USP48: variants seen among roughly 807,000 people sequenced by gnomAD.
USP48 encodes the protein ubiquitin specific peptidase 48.
USP48 carries 43 observed loss-of-function variants against 150.7 expected under a neutral mutation model. The ratio of observed to expected loss-of-function variants is 0.29; its 90% CI spans 0.22 to 0.37. The LOEUF is 0.37. Ranked by LOEUF, USP48 falls within the 10% of genes least tolerant of loss-of-function variation. USP48 has a pLI of 1.00. For missense variants in USP48, 813 were observed against 1,249.6 expected, an observed-to-expected ratio of 0.65 and a Z score of 5.27; for synonymous variants, 396 against 425.9, an observed-to-expected ratio of 0.93 and a Z score of 0.86.
At chr1:21,718,731 T>C (rs1571844023) in intron 14 of USP48, among the ~76,000 whole-genome samples, 5 of 152,146 alleles carry the variant, frequency 3.3e-5, no homozygotes, top group Admixed American at 3.3e-4. Flanking sequence ...ATAATTTTTG[T>C]ATTTTTAGTA....
chr1:21,733,496 T>A (rs2097761936), intron 9 of USP48, among the ~76,000 whole-genome samples: 1 of 152,188 alleles, frequency 6.6e-6, no homozygotes, highest in Admixed American at 6.5e-5. Flanking sequence ...TCATAAAACT[T>A]CAGGATACAA....
intron 25 of USP48, among the ~76,000 whole-genome samples, chr1:21,683,106 C>CG (rs1271562803): frequency 3.3e-5 from 5 of 152,078 alleles, no homozygotes; most frequent in African/African-American, 9.7e-5. Context: ...ACCAAAAATA[C>CG]AAAAGTTAGC....
chr1:21,725,918 A>C (rs2097735822), intron 11 of USP48, among the ~76,000 whole-genome samples: 1 of 152,198 alleles, frequency 6.6e-6, no homozygotes, highest in Non-Finnish European at 1.5e-5. Context: ...TATCTGGGGA[A>C]TGCAAAGATA....
rs1002340218 is a variant in USP48 at position 21,751,549 on chromosome 1, T to C, written c.732A>G (p.Gln244=). 2 of 1,613,984 alleles carry C rather than the reference T, an allele frequency of 1.2e-6. No homozygotes were observed. The highest frequency in any genetic ancestry group is 1.1e-5 in the South Asian group (1 of 91,080). Residue 244 remains glutamine, a synonymous_variant, in exon 6 of 27, where the codon CAA becomes CAG. Coordinates refer to ENST00000308271, the MANE Select transcript of USP48 (RefSeq NM_032236.8). The stretch of plus-strand genomic sequence containing the variant: ...TACAATCTGTTAACTGTTTGTGGCC[T>C]TGGATATTTAACTCCAGCTCATAAA... ...SKFYELELNI[Q]GHKQLTDCIS...
intron 11 of USP48, 138 bp downstream of exon 11, chr1:21,728,432 T>C (rs1274089512): frequency 2.8e-6 from 4 of 1,450,130 alleles, no homozygotes; most frequent in Non-Finnish European, 3.6e-6. Flanking sequence ...GTTTACAAAG[T>C]ACTTTTAGAG....
At chr1:21,780,080 A>G (rs2097910685) in intron 1 of USP48, among the ~76,000 whole-genome samples, 1 of 152,236 alleles carries the variant, frequency 6.6e-6, no homozygotes, top group Non-Finnish European at 1.5e-5. Context: ...AACTGAAATC[A>G]GATGTTCAGA....
At chr1:21,700,453 C>T (rs971802677) in intron 22 of USP48, among the ~76,000 whole-genome samples, 2 of 152,170 alleles carry the variant, frequency 1.3e-5, no homozygotes, top group Admixed American at 1.3e-4. Flanking sequence ...TTTTCAGACT[C>T]TCTCAATCAA....
chr1:21,766,536 A>G (rs901692038), intron 1 of USP48, among the ~76,000 whole-genome samples: 6 of 152,172 alleles, frequency 3.9e-5, no homozygotes, highest in Non-Finnish European at 7.3e-5. Flanking sequence ...TTAAGAGTAC[A>G]CACGATGAGT....
intron 9 of USP48, 63 bp from the exon 10 acceptor site, chr1:21,729,895 G>A (rs1040226557): frequency 8.4e-5 from 135 of 1,600,412 alleles, no homozygotes; most frequent in South Asian, 5.3e-4. Flanking sequence ...ATTCTTTAGC[G>A]GGGCTATAGA....
In USP48 at chr1:21,733,245, G is replaced by A. The variant is rs543448003; in HGVS notation, c.1171+3201C>T. The stretch of plus-strand genomic sequence containing the variant: ...AGCCTGGCCAACATGGTGAAACCCC[G>A]TCTCTACTAAAAATACAAAAAATTG... On this transcript the variant is annotated intron_variant, in intron 9 of 26. Coordinates refer to ENST00000308271, the MANE Select transcript of USP48 (RefSeq NM_032236.8). 7.9e-5 allele frequency among the ~76,000 whole-genome samples: 12 copies of A among 152,126 alleles called. No individual in the cohort carries two copies. The East Asian group carries it at 1.9e-3, about 25-fold the overall frequency.
chr1:21,769,017 G>T (rs528726899), intron 1 of USP48, among the ~76,000 whole-genome samples: 11 of 152,206 alleles, frequency 7.2e-5, no homozygotes, highest in African/African-American at 2.6e-4. Flanking sequence ...TTAATTTTAA[G>T]TATTTGTGTT....
intron 22 of USP48, 126 bp downstream of exon 22, chr1:21,701,372 A>G: frequency 1.4e-6 from 1 of 692,820 alleles, no homozygotes; most frequent in African/African-American, 1.8e-5. Flanking sequence ...TCTCAAAAAA[A>G]AAAAAAAAAG....
In USP48 at chr1:21,747,127, G is replaced by T; in HGVS notation, c.931C>A (p.Leu311Met). ...FDRQTGHKKK[L>M]NTYIGFSEIL... The stretch of plus-strand genomic sequence containing the variant: ...TCTGAGAAGCCAATGTAGGTATTCA[G>T]CTTTTTCTTATGTCCAGTTTGCCTA... The change falls in exon 8 of 27, where the codon CTG becomes ATG. Residue 311 changes from leucine to methionine, a missense_variant. Transcript: ENST00000308271. 1 of 1,611,182 alleles carries T rather than the reference G, an allele frequency of 6.2e-7. No individual in the cohort carries two copies. Among genetic ancestry groups the T allele is most frequent in the Non-Finnish European group, 8.5e-7 (1 of 1,179,600 alleles).
chr1:21,778,138 G>C (rs538030260), intron 1 of USP48, among the ~76,000 whole-genome samples: 2 of 149,330 alleles, frequency 1.3e-5, no homozygotes, highest in African/African-American at 2.4e-5. Flanking sequence ...GTGAGACTCC[G>C]TCTGAAAAAA....
intron 1 of USP48, among the ~76,000 whole-genome samples, chr1:21,758,485 C>T (rs913291324): frequency 3.9e-5 from 6 of 152,062 alleles, no homozygotes; most frequent in African/African-American, 9.7e-5. Flanking sequence ...CCTTTTCGGC[C>T]GGACACAGTG....
At chr1:21,723,436 C>T (rs1416977775) in intron 12 of USP48, among the ~76,000 whole-genome samples, 1 of 151,812 alleles carries the variant, frequency 6.6e-6, no homozygotes, top group African/African-American at 2.4e-5. Context: ...ATCACTTGAA[C>T]CCAGGAGGCG....
intron 8 of USP48, among the ~76,000 whole-genome samples, chr1:21,739,293 C>G (rs955953796): frequency 6.6e-6 from 1 of 151,852 alleles, no homozygotes; most frequent in Non-Finnish European, 1.5e-5. Flanking sequence ...CTGAGGCAGG[C>G]AGATCACCTG....
chr1:21,726,646 C>G (rs1024497222), intron 11 of USP48: 1 of 152,166 alleles, frequency 6.6e-6, no homozygotes. Flanking sequence ...CCTGAGAATA[C>G]AAGTGGAGCA....
chr1:21,736,349 G>A (rs1178480481), intron 9 of USP48, 97 bp downstream of exon 9: 2 of 1,225,294 alleles, frequency 1.6e-6, no homozygotes, highest in African/African-American at 1.6e-5. Flanking sequence ...TTGATAGTCT[G>A]TAACATAACA....
Sources: allele counts gnomAD v4.1 joint callset (sites outside exome capture counted in the v4.1 genomes callset), GRCh38; gene constraint gnomAD v4.1.1; transcripts MANE v1.5; gene names NCBI Gene and HGNC (gene_info 2026-07-23, HGNC 2026-07-21).